The following SGCZ variants were observed in gnomAD, a reference collection of about 807,000 sequenced individuals.
The protein encoded by SGCZ is zeta-sarcoglycan.
A neutral mutation model predicts 41.3 loss-of-function variants in SGCZ; 40 were observed. The ratio of observed to expected loss-of-function variants is 0.97; its 90% CI spans 0.75 to 1.26. SGCZ has a LOEUF of 1.26. SGCZ is among the 50% of genes most tolerant of loss of function. The probability of loss-of-function intolerance (pLI) is 0.00; values close to 1 mark genes in which losing one functional copy is unlikely to be tolerated. For missense variants in SGCZ, 552 were observed against 369.8 expected (o/e 1.49, Z -4.04); for synonymous variants, 206 against 137.5 (o/e 1.50, Z -3.49).
intron 4 of SGCZ, among the ~76,000 whole-genome samples, chr8:14,225,610 T>C (rs1806346414): frequency 1.3e-5 from 2 of 152,042 alleles, no homozygotes; most frequent in Admixed American, 6.6e-5. Flanking sequence ...GAGGGATAGA[T>C]TTGGGTGTTA....
At chr8:15,023,015 T>G (rs560640166) in intron 1 of SGCZ, among the ~76,000 whole-genome samples, 19 of 152,294 alleles carry the variant, frequency 1.2e-4, no homozygotes, top group African/African-American at 3.6e-4. Flanking sequence ...ACTGTGGGCA[T>G]TTTCTTCATC....
intron 2 of SGCZ, among the ~76,000 whole-genome samples, chr8:14,381,512 T>G (rs546731614): frequency 6.6e-6 from 1 of 151,984 alleles, no homozygotes; most frequent in Non-Finnish European, 1.5e-5. Context: ...CGGTGACTCA[T>G]GCCTATAATC....
chr8:14,437,542 T>C (rs1041114986), intron 2 of SGCZ, among the ~76,000 whole-genome samples: 1 of 152,096 alleles, frequency 6.6e-6, no homozygotes, highest in Admixed American at 6.6e-5. Context: ...AAATAGGTTA[T>C]TTATGTTAGT....
At chr8:14,301,573 A>G (rs1465930661) in intron 3 of SGCZ, among the ~76,000 whole-genome samples, 1 of 152,112 alleles carries the variant, frequency 6.6e-6, no homozygotes, top group African/African-American at 2.4e-5. Flanking sequence ...CTGGGGTGAT[A>G]GATATTTCTC....
intron 2 of SGCZ, among the ~76,000 whole-genome samples, chr8:14,438,283 T>C (rs758085286): frequency 6.6e-6 from 1 of 152,048 alleles, no homozygotes; most frequent in Admixed American, 6.6e-5. Flanking sequence ...ATATTCATAA[T>C]TTTAGAAGAA....
chr8:14,895,924 AG>A (rs1805179406), intron 1 of SGCZ, among the ~76,000 whole-genome samples: 1 of 152,226 alleles, frequency 6.6e-6, no homozygotes, highest in Admixed American at 6.5e-5. Flanking sequence ...ATGTGTATAT[AG>A]GGTTGAGACT....
At chr8:14,302,955 C>T (rs1425743538) in intron 3 of SGCZ, among the ~76,000 whole-genome samples, 1 of 152,140 alleles carries the variant, frequency 6.6e-6, no homozygotes, top group Non-Finnish European at 1.5e-5. Flanking sequence ...TTTCCAGTCT[C>T]AGTCATATTC....
intron 2 of SGCZ, among the ~76,000 whole-genome samples, chr8:14,407,902 C>T (rs569170305): frequency 6.6e-6 from 1 of 152,116 alleles, no homozygotes; most frequent in Admixed American, 6.6e-5. Context: ...AGAAAAGGAA[C>T]CTCTTGAGTC....
chr8:14,401,311 A>G (rs923055655), intron 2 of SGCZ, among the ~76,000 whole-genome samples: 4 of 151,680 alleles, frequency 2.6e-5, no homozygotes, highest in African/African-American at 9.7e-5. Context: ...TTATACTTTA[A>G]GTTTTAGGGT....
intron 2 of SGCZ, among the ~76,000 whole-genome samples, chr8:14,546,485 G>A (rs1803631789): frequency 6.6e-6 from 1 of 152,084 alleles, no homozygotes; most frequent in African/African-American, 2.4e-5. Context: ...CTTTTATAAA[G>A]GTGCCATTAA....
At chr8:14,389,368 G>C (rs1316662662) in intron 2 of SGCZ, among the ~76,000 whole-genome samples, 1 of 150,578 alleles carries the variant, frequency 6.6e-6, no homozygotes, top group African/African-American at 2.4e-5. Context: ...GATTAAAAAA[G>C]TAAATCATGT....
intron 1 of SGCZ, among the ~76,000 whole-genome samples, chr8:15,211,052 G>T (rs62502008): frequency 1.2e-4 from 10 of 80,114 alleles, no homozygotes; most frequent in East Asian, 1.1e-3. Context: ...GATATAGATA[G>T]ATATAGATAT....
intron 1 of SGCZ, among the ~76,000 whole-genome samples, chr8:14,784,923 TA>T (rs1243373663): frequency 3.1e-5 from 2 of 63,768 alleles, no homozygotes; most frequent in East Asian, 7.2e-4. Flanking sequence ...AATATATATA[TA>T]TATATATATA....
intron 2 of SGCZ, among the ~76,000 whole-genome samples, chr8:14,520,062 T>C (rs1381216755): frequency 6.6e-6 from 1 of 152,052 alleles, no homozygotes; most frequent in Non-Finnish European, 1.5e-5. Context: ...TCATAACAAA[T>C]AAAGGAGTAA....
At chr8:14,903,433 A>G (rs894700986) in intron 1 of SGCZ, among the ~76,000 whole-genome samples, 1 of 152,150 alleles carries the variant, frequency 6.6e-6, no homozygotes, top group African/African-American at 2.4e-5. Context: ...ATAGCATTCA[A>G]ATCTTGAAAT....
At chr8:14,607,745 A>G (rs1805798656) in intron 1 of SGCZ, among the ~76,000 whole-genome samples, 1 of 152,198 alleles carries the variant, frequency 6.6e-6, no homozygotes, top group Admixed American at 6.5e-5. Context: ...AAGTATCCAG[A>G]GGAACAAGGT....
chr8:14,582,216 C>G (rs922431714), intron 1 of SGCZ, among the ~76,000 whole-genome samples: 1 of 151,858 alleles, frequency 6.6e-6, no homozygotes, highest in Non-Finnish European at 1.5e-5. Context: ...CATAAGCAGT[C>G]GAAAGAAACC....
At chr8:14,834,397 T>A (rs1802629419) in intron 1 of SGCZ, among the ~76,000 whole-genome samples, 1 of 152,136 alleles carries the variant, frequency 6.6e-6, no homozygotes, top group South Asian at 2.1e-4. Context: ...TATTACCAAA[T>A]CAATTTTTAA....
chr8:14,382,996 G>A (rs1804426679), intron 2 of SGCZ, among the ~76,000 whole-genome samples: 1 of 152,096 alleles, frequency 6.6e-6, no homozygotes, highest in Admixed American at 6.5e-5. Context: ...AAACATATGT[G>A]GAAGCATGCC....
Sources: gnomAD v4.1 joint callset for allele counts (sites outside exome capture counted in the v4.1 genomes callset) on GRCh38, gnomAD v4.1.1 for gene constraint, MANE v1.5 for transcripts, NCBI Gene and HGNC (gene_info 2026-07-23, HGNC 2026-07-21) for gene names.